GALNT1: variants seen among roughly 807,000 people sequenced by gnomAD.
GALNT1 encodes the protein polypeptide N-acetylgalactosaminyltransferase 1, also known as GalNAc transferase 1.
In GALNT1, 17 loss-of-function variants were observed where a neutral mutation model predicts 65.7. The ratio of observed to expected loss-of-function variants is 0.26; its 90% CI spans 0.18 to 0.39. The LOEUF (loss-of-function observed/expected upper bound fraction) is 0.39. Ranked by LOEUF, GALNT1 falls within the 10% of genes least tolerant of loss-of-function variation. GALNT1 has a pLI of 1.00. For synonymous variants in GALNT1, 210 were observed against 219.7 expected (o/e 0.96, Z 0.39); for missense variants, 460 against 672.8 (o/e 0.68, Z 3.50).
At chr18:35,681,004 G>T (rs2047779156) in intron 4 of GALNT1, among the ~76,000 whole-genome samples, 1 of 152,124 alleles carries the variant, frequency 6.6e-6, no homozygotes, top group Non-Finnish European at 1.5e-5. Context: ...ACAAAAAGCA[G>T]AGGTTTATAT....
chr18:35,668,418 A>G (rs2047579587), intron 3 of GALNT1, among the ~76,000 whole-genome samples: 1 of 152,246 alleles, frequency 6.6e-6, no homozygotes, highest in Non-Finnish European at 1.5e-5. Flanking sequence ...TAGAGGCTCA[A>G]CAAAGCTGAA....
rs1409571512 is a variant in GALNT1 at position 35,671,488 on chromosome 18, ATATTATGACTTGATCTACATG to A, written c.315-6088_315-6068del. Among the ~76,000 whole-genome samples the A allele has an allele frequency of 3.9e-5, 6 of 152,330 alleles. No homozygotes were observed. In the East Asian group the frequency reaches 1.2e-3, roughly 29 times the overall value. On this transcript the variant is annotated intron_variant, in intron 3 of 11. Coordinates refer to ENST00000269195, the MANE Select transcript of GALNT1 (RefSeq NM_020474.4). ...GGTTTTTAATAGATGACTTTTGTGT[ATATTATGACTTGATCTACATG>A]TATTATGACTTGATATATTTGAACT... is the stretch of plus-strand genomic sequence containing the variant.
Position 35,689,309 on chromosome 18 carries a change from AT to A in GALNT1, c.978+22del, listed in dbSNP as rs111797644. Reference sequence around the variant, plus strand: ...CTTTAGGGTAAGTTCCCTTAAAAAAATTTAATCTTTTATTTAACTTCAAGTA... The same window carrying A: ...CTTTAGGGTAAGTTCCCTTAAAAAAATTAATCTTTTATTTAACTTCAAGTA... On this transcript the variant is annotated intron_variant, in intron 7 of 11. Transcript: ENST00000269195. 7.2e-7 allele frequency: 1 copy of A among 1,395,936 alleles called. No homozygotes were observed. Among genetic ancestry groups the A allele is most frequent in the Admixed American group, 1.9e-5 (1 of 52,730 alleles). 86.5% of individuals were successfully genotyped at this position (1,395,936 alleles called of 1,614,324 possible). A position where few individuals can be genotyped will look rare whatever the true frequency, so the allele number is the denominator to read the frequency against.
chr18:35,631,163 A>C (rs2047002743), intron 1 of GALNT1, among the ~76,000 whole-genome samples: 1 of 152,238 alleles, frequency 6.6e-6, no homozygotes, highest in Non-Finnish European at 1.5e-5. Context: ...AAACTATTCC[A>C]ATCAATAGAA....
intron 8 of GALNT1, among the ~76,000 whole-genome samples, chr18:35,691,465 C>T (rs1436165867): frequency 1.3e-5 from 2 of 152,056 alleles, no homozygotes; most frequent in Non-Finnish European, 2.9e-5. Flanking sequence ...CTAACTGCAA[C>T]ATTTAGTATT....
intron 1 of GALNT1, among the ~76,000 whole-genome samples, chr18:35,630,713 C>T (rs1212691843): frequency 6.6e-6 from 1 of 152,084 alleles, no homozygotes; most frequent in Non-Finnish European, 1.5e-5. Flanking sequence ...CAGAGCAGAA[C>T]TAAAGGAGAT....
chr18:35,592,080 A>G (rs1336083967), intron 1 of GALNT1, among the ~76,000 whole-genome samples: 1 of 152,196 alleles, frequency 6.6e-6, no homozygotes, highest in African/African-American at 2.4e-5. Flanking sequence ...GGAGGTGCAG[A>G]TGAGCATCAT....
chr18:35,689,871 G>A (rs186274405), intron 7 of GALNT1, among the ~76,000 whole-genome samples: 3 of 152,274 alleles, frequency 2.0e-5, no homozygotes, highest in Admixed American at 6.5e-5. Flanking sequence ...ACCAACTTTA[G>A]ACACATAGCT....
chr18:35,685,591 G>A (rs1434881407), intron 5 of GALNT1, among the ~76,000 whole-genome samples: 2 of 151,872 alleles, frequency 1.3e-5, no homozygotes, highest in African/African-American at 2.4e-5. Flanking sequence ...TCAATCACCA[G>A]TTAGTATTAT....
chr18:35,635,316 C>T (rs2047074753), intron 1 of GALNT1, among the ~76,000 whole-genome samples: 1 of 152,174 alleles, frequency 6.6e-6, no homozygotes, highest in Non-Finnish European at 1.5e-5. Flanking sequence ...AAGCACATTC[C>T]TACCATATGA....
intron 1 of GALNT1, among the ~76,000 whole-genome samples, chr18:35,590,944 A>T (rs1019738957): frequency 6.6e-6 from 1 of 152,176 alleles, no homozygotes; most frequent in South Asian, 2.1e-4. Context: ...AACAGAACTG[A>T]TATAGGGAGA....
intron 1 of GALNT1, among the ~76,000 whole-genome samples, chr18:35,618,885 C>T (rs990230937): frequency 1.1e-4 from 16 of 152,122 alleles, no homozygotes. Context: ...GACTACAGGG[C>T]AGACCGAGTT....
chr18:35,610,779 G>GA (rs1223254789), intron 1 of GALNT1, among the ~76,000 whole-genome samples: 1 of 152,070 alleles, frequency 6.6e-6, no homozygotes, highest in African/African-American at 2.4e-5. Context: ...ACATTTTTAT[G>GA]AAAAATAACT....
At chr18:35,642,997 T>C (rs932412007) in intron 1 of GALNT1, among the ~76,000 whole-genome samples, 2 of 151,970 alleles carry the variant, frequency 1.3e-5, no homozygotes, top group African/African-American at 4.8e-5. Context: ...GAGCACAGCC[T>C]TCCAGGTCTG....
chr18:35,693,227 CGAGTTTTTAGGGAAA>C (rs1278515149), intron 9 of GALNT1, among the ~76,000 whole-genome samples: 2 of 152,106 alleles, frequency 1.3e-5, no homozygotes, highest in African/African-American at 4.8e-5. Flanking sequence ...GCAGGTCATA[CGAGTTTTTAGGGAAA>C]GAGTATTCTG....
At chr18:35,626,601 A>G (rs920632066) in intron 1 of GALNT1, among the ~76,000 whole-genome samples, 2 of 152,200 alleles carry the variant, frequency 1.3e-5, no homozygotes, top group African/African-American at 2.4e-5. Context: ...CAGAATACCC[A>G]GTTAAATCAG....
intron 2 of GALNT1, among the ~76,000 whole-genome samples, chr18:35,657,268 G>C (rs1444973784): frequency 6.6e-6 from 1 of 152,030 alleles, no homozygotes; most frequent in Non-Finnish European, 1.5e-5. Flanking sequence ...GTTAATTTTT[G>C]TATTTTAGCA....
intron 4 of GALNT1, among the ~76,000 whole-genome samples, chr18:35,678,514 GCT>G (rs2047743830): frequency 2.0e-5 from 3 of 152,218 alleles, no homozygotes; most frequent in South Asian, 4.2e-4. Flanking sequence ...TATAGAAAAG[GCT>G]CTGCTTAGTC....
At chr18:35,709,386 T>A (rs2048318308) in intron 11 of GALNT1, among the ~76,000 whole-genome samples, 1 of 152,002 alleles carries the variant, frequency 6.6e-6, no homozygotes, top group South Asian at 2.1e-4. Context: ...TGGACCCCAG[T>A]GCCTTTCTCC....
Sources: gnomAD v4.1 joint callset for allele counts (sites outside exome capture counted in the v4.1 genomes callset) on GRCh38, gnomAD v4.1.1 for gene constraint, MANE v1.5 for transcripts, NCBI Gene and HGNC (gene_info 2026-07-23, HGNC 2026-07-21) for gene names.